PCDH15: variants seen among roughly 807,000 people sequenced by gnomAD.
PCDH15 encodes protocadherin related 15.
Under a neutral mutation model 178.5 loss-of-function variants are expected in PCDH15, and 129 were observed. That is an observed-to-expected ratio of 0.72 (90% CI 0.63 to 0.84). The LOEUF (loss-of-function observed/expected upper bound fraction) is 0.84, where lower values mean the gene tolerates loss of function less well. PCDH15 is among the 40% of genes least tolerant of loss of function. PCDH15 has a pLI of 0.00. For missense variants in PCDH15, 2,230 were observed against 2,099.9 expected, an observed-to-expected ratio of 1.06 and a Z score of -1.21; for synonymous variants, 800 against 732.0, an observed-to-expected ratio of 1.09 and a Z score of -1.50.
At chr10:55,624,567 C>A (rs866177614) in intron 2 of PCDH15, among the ~76,000 whole-genome samples, 2 of 151,968 alleles carry the variant, frequency 1.3e-5, no homozygotes, top group African/African-American at 4.8e-5. Flanking sequence ...TGTTATTGGG[C>A]AAACTTTTTA....
Position 55,150,937 on chromosome 10 carries a change from C to G in PCDH15, c.-80+15639G>C, listed in dbSNP as rs58043944. 5.5e-3 allele frequency among the ~76,000 whole-genome samples: 833 copies of G among 152,220 alleles called. 7 individuals carry two copies. Among genetic ancestry groups the G allele is most frequent in the African/African-American group, 0.02 (814 of 41,566 alleles). On this transcript the variant is annotated intron_variant, in intron 2 of 5. Transcript: ENST00000458638. ...GCATGGCTGAATAGTAACTGAGACA[C>G]TGTGGAATTCCAATTTCACATTTGC...
At chr10:54,508,566 A>G (rs551868104) in intron 3 of PCDH15, among the ~76,000 whole-genome samples, 51 of 152,220 alleles carry the variant, frequency 3.4e-4, no homozygotes, top group African/African-American at 1.2e-3. Context: ...GCAAAATCAA[A>G]TGCTTATTTC....
intron 2 of PCDH15, among the ~76,000 whole-genome samples, chr10:55,015,448 G>T (rs572792423): frequency 7.9e-5 from 12 of 152,130 alleles, no homozygotes; most frequent in Admixed American, 2.0e-4. Context: ...ACTTTTCCCA[G>T]CAGTGTATTT....
chr10:54,128,429 A>T (rs144747586), intron 15 of PCDH15, among the ~76,000 whole-genome samples: 1 of 152,180 alleles, frequency 6.6e-6, no homozygotes, highest in African/African-American at 2.4e-5. Flanking sequence ...CCACTCCACC[A>T]CCACATTTCT....
chr10:54,175,450 A>G (rs896591645), intron 13 of PCDH15, among the ~76,000 whole-genome samples: 12 of 152,236 alleles, frequency 7.9e-5, no homozygotes, highest in Admixed American at 1.3e-4. Context: ...AACAAATATT[A>G]ATAATCATAA....
rs190105298 is a variant in PCDH15 at position 53,965,188 on chromosome 10, G to A, written c.2869-3296C>T. ...TTCTCCTGCCTCAGCCTCTCAGGCA[G>A]CTGGGACTACACGAGCCCGCCACCA... On this transcript the variant is annotated intron_variant, in intron 21 of 37. Coordinates refer to ENST00000644397, the MANE Select transcript of PCDH15 (RefSeq NM_001384140.1). Among the ~76,000 whole-genome samples, 53 of 151,918 alleles carry A rather than the reference G, an allele frequency of 3.5e-4. 1 individual carries two copies. In the East Asian group the frequency reaches 0.01, roughly 30 times the overall value.
chr10:54,166,231 C>T (rs977989023), intron 13 of PCDH15, among the ~76,000 whole-genome samples: 5 of 152,146 alleles, frequency 3.3e-5, no homozygotes, highest in South Asian at 4.1e-4. Flanking sequence ...GATGAATTCT[C>T]GTTAGTGCTC....
intron 9 of PCDH15, among the ~76,000 whole-genome samples, chr10:54,234,485 C>T (rs908521403): frequency 2.6e-5 from 4 of 151,966 alleles, no homozygotes; most frequent in African/African-American, 4.8e-5. Context: ...CCCAGGAAGT[C>T]GAAGCTTCAA....
chr10:54,481,233 A>G (rs2078694175), intron 3 of PCDH15, among the ~76,000 whole-genome samples: 1 of 151,916 alleles, frequency 6.6e-6, no homozygotes, highest in Admixed American at 6.6e-5. Flanking sequence ...TTTTTGTTTC[A>G]CAAAAATTCT....
At chr10:54,560,509 A>G (rs1296563205) in intron 2 of PCDH15, among the ~76,000 whole-genome samples, 3 of 152,026 alleles carry the variant, frequency 2.0e-5, no homozygotes, top group African/African-American at 7.2e-5. Context: ...ACACTTTGTG[A>G]CCATATAAAG....
chr10:55,379,810 A>G (rs2131999669), intron 2 of PCDH15, among the ~76,000 whole-genome samples: 1 of 152,234 alleles, frequency 6.6e-6, no homozygotes. Flanking sequence ...ACTACAGGGA[A>G]AAAAGAGGGG....
At chr10:54,857,529 C>G (rs1953761573) in intron 3 of PCDH15, among the ~76,000 whole-genome samples, 1 of 152,096 alleles carries the variant, frequency 6.6e-6, no homozygotes, top group African/African-American at 2.4e-5. Context: ...TCACTGCAAC[C>G]TCGAATTCCT....
intron 1 of PCDH15, among the ~76,000 whole-genome samples, chr10:54,781,989 T>C (rs1241983716): frequency 6.6e-6 from 1 of 152,144 alleles, no homozygotes; most frequent in African/African-American, 2.4e-5. Context: ...TGGCAAATAA[T>C]TCAAATAGGC....
rs375841250 is a variant in PCDH15, at chr10:55,233,240, C to A, written c.-155-66589G>T. Among the ~76,000 whole-genome samples, 143 of 152,100 alleles carry A rather than the reference C, an allele frequency of 9.4e-4. 1 individual carries two copies. Among genetic ancestry groups the A allele is most frequent in the Middle Eastern group, 6.8e-3 (2 of 294 alleles). ...AAACATGCTTTTTCAATAACTTTCACGTTTCTCCTTTATATACAAAAGCTT... is the reference window on the plus strand; with the variant it reads ...AAACATGCTTTTTCAATAACTTTCAAGTTTCTCCTTTATATACAAAAGCTT... On this transcript the variant is annotated intron_variant, in intron 1 of 5. Coordinates refer to the PCDH15 transcript ENST00000458638.
At chr10:54,535,039 T>C (rs2084326133) in intron 2 of PCDH15, among the ~76,000 whole-genome samples, 2 of 152,214 alleles carry the variant, frequency 1.3e-5, no homozygotes, top group African/African-American at 4.8e-5. Context: ...ACAGAGCAAG[T>C]AATTCAGTTC....
intron 1 of PCDH15, among the ~76,000 whole-genome samples, chr10:54,670,669 A>G (rs1173518850): frequency 6.6e-6 from 1 of 152,136 alleles, no homozygotes; most frequent in Non-Finnish European, 1.5e-5. Context: ...AAATACACCA[A>G]AAATGTTTTT....
chr10:54,695,163 T>C (rs550629866), intron 1 of PCDH15, among the ~76,000 whole-genome samples: 1 of 152,288 alleles, frequency 6.6e-6, no homozygotes, highest in African/African-American at 2.4e-5. Flanking sequence ...CACGTATACA[T>C]ATGTAACAAA....
At chr10:55,128,943 C>A (rs543806716) in intron 2 of PCDH15, among the ~76,000 whole-genome samples, 1 of 152,144 alleles carries the variant, frequency 6.6e-6, no homozygotes, top group Admixed American at 6.6e-5. Flanking sequence ...GAAGAAAGGA[C>A]AGAAAGGATT....
intron 1 of PCDH15, among the ~76,000 whole-genome samples, chr10:54,731,563 T>TATATATATATATATATATACAC: frequency 9.4e-4 from 47 of 49,890 alleles, no homozygotes; most frequent in African/African-American, 2.8e-3. Flanking sequence ...TATATATATA[T>TATATATATATATATATATACAC]ACACACACAC....
Sources: allele counts gnomAD v4.1 joint callset (sites outside exome capture counted in the v4.1 genomes callset), GRCh38; gene constraint gnomAD v4.1.1; transcripts MANE v1.5; gene names NCBI Gene and HGNC (gene_info 2026-07-23, HGNC 2026-07-21).